Variants in C12orf42 observed in about 807,000 individuals in gnomAD.
C12orf42 encodes uncharacterized protein C12orf42.
Under a neutral mutation model 21.6 loss-of-function variants are expected in C12orf42, and 25 were observed. The observed-to-expected ratio is 1.16, with a 90% CI of 0.84 to 1.62. C12orf42 has a LOEUF of 1.62. Ranked by LOEUF, C12orf42 falls within the 40% of genes most tolerant of loss-of-function variation. The probability of loss-of-function intolerance (pLI) is 0.00; values close to 1 mark genes in which losing one functional copy is unlikely to be tolerated. For synonymous variants in C12orf42, 174 were observed against 175.0 expected, an observed-to-expected ratio of 0.99 and a Z score of 0.05; for missense variants, 483 against 459.3, an observed-to-expected ratio of 1.05 and a Z score of -0.47.
chr12:103,438,552 A>G (rs1950933395), intron 2 of C12orf42, among the ~76,000 whole-genome samples: 1 of 152,108 alleles, frequency 6.6e-6, no homozygotes, highest in African/African-American at 2.4e-5. Context: ...AAGCAACTTC[A>G]GCAAAGTCTC....
intron 5 of C12orf42, chr12:103,273,783 G>T: frequency 2.2e-6 from 1 of 450,932 alleles, no homozygotes; most frequent in Non-Finnish European, 4.5e-6. Context: ...AGAAGCACTT[G>T]TCTTTTACCT....
chr12:103,463,393 A>T (rs1952874580), intron 2 of C12orf42, among the ~76,000 whole-genome samples: 1 of 152,210 alleles, frequency 6.6e-6, no homozygotes, highest in African/African-American at 2.4e-5. Context: ...AATAGAGTAG[A>T]CTAGAATAGG....
chr12:103,428,488 A>G (rs1566308035), intron 2 of C12orf42, among the ~76,000 whole-genome samples: 1 of 152,118 alleles, frequency 6.6e-6, no homozygotes, highest in Non-Finnish European at 1.5e-5. Context: ...GCCTAACAAC[A>G]AAAAGAAAAG....
chr12:103,528,162 C>A, the C12orf42 span, among the ~76,000 whole-genome samples: 9 of 152,174 alleles, frequency 5.9e-5, no homozygotes, highest in East Asian at 1.7e-3. Flanking sequence ...GAACATTTAA[C>A]AAATGCCAAA....
At chr12:103,114,847 C>G in the C12orf42 span, among the ~76,000 whole-genome samples, 1 of 152,164 alleles carries the variant, frequency 6.6e-6, no homozygotes, top group African/African-American at 2.4e-5. Flanking sequence ...GTGGCTCAGG[C>G]CATTTACCAA....
intron 4 of C12orf42, among the ~76,000 whole-genome samples, chr12:103,283,809 T>C (rs769240075): frequency 6.6e-6 from 1 of 152,216 alleles, no homozygotes; most frequent in Non-Finnish European, 1.5e-5. Context: ...ACATAGTAGC[T>C]GCTCAATAAA....
chr12:103,069,194 A>C, the C12orf42 span, among the ~76,000 whole-genome samples: 2 of 150,862 alleles, frequency 1.3e-5, no homozygotes, highest in South Asian at 4.2e-4. Context: ...CTGAATTTTT[A>C]AGTTTTAGAA....
At chr12:103,221,741 C>T in the C12orf42 span, among the ~76,000 whole-genome samples, 3 of 152,204 alleles carry the variant, frequency 2.0e-5, no homozygotes, top group African/African-American at 7.2e-5. Context: ...CTTCAGTAAG[C>T]CTTTGGCTTT....
rs532875363 is a variant in C12orf42 at position 103,409,507 on chromosome 12, G to A, written c.79-7832C>T. Among the ~76,000 whole-genome samples the A allele has an allele frequency of 4.3e-3, 655 of 152,224 alleles. 1 individual carries two copies. Among genetic ancestry groups the A allele is most frequent in the Non-Finnish European group, 7.9e-3 (535 of 68,016 alleles). Reference sequence around the variant, plus strand: ...AGATTTACAATGCTGCAAGGGGGAGGACAGGAGACAAGGAAGGCTCACTAT... The same window carrying A: ...AGATTTACAATGCTGCAAGGGGGAGAACAGGAGACAAGGAAGGCTCACTAT... On this transcript the variant is annotated intron_variant, in intron 2 of 5. Transcript: ENST00000548883.
chr12:103,274,229 C>A (rs1458920646), intron 5 of C12orf42, among the ~76,000 whole-genome samples: 1 of 152,144 alleles, frequency 6.6e-6, no homozygotes, highest in Non-Finnish European at 1.5e-5. Flanking sequence ...TGTCAAGTGG[C>A]AGAGCAGGAT....
chr12:103,189,646 G>A, the C12orf42 span, among the ~76,000 whole-genome samples: 1 of 152,278 alleles, frequency 6.6e-6, no homozygotes, highest in East Asian at 1.9e-4. Flanking sequence ...GGAAAAAGTA[G>A]GTAAAATGAA....
chr12:103,145,233 C>T, the C12orf42 span, among the ~76,000 whole-genome samples: 1 of 152,132 alleles, frequency 6.6e-6, no homozygotes, highest in Admixed American at 6.5e-5. Flanking sequence ...TACTATCTTT[C>T]CCACATTTAA....
the C12orf42 span, among the ~76,000 whole-genome samples, chr12:103,179,749 T>C: frequency 6.6e-6 from 1 of 152,218 alleles, no homozygotes; most frequent in Non-Finnish European, 1.5e-5. Flanking sequence ...GGAGAATGGT[T>C]AGCAGACTAT....
chr12:103,291,428 G>A lies in C12orf42; in HGVS notation n.338-14218C>T, dbSNP rs150674857. On this transcript the variant is annotated intron_variant and non_coding_transcript_variant, in intron 4 of 6. Transcript: ENST00000546526. ...CATGCAGCAAAGAATTCAAGAACAA[G>A]CTGACAGAGTAGCGAAAGCAAAGCA... Among the ~76,000 whole-genome samples, 847 of 152,316 alleles carry A rather than the reference G, an allele frequency of 5.6e-3. 27 individuals are homozygous for A. Among genetic ancestry groups the A allele is most frequent in the Non-Finnish European group, 1.6e-3 (107 of 68,020 alleles).
chr12:103,444,571 T>C (rs1413219009), intron 2 of C12orf42, among the ~76,000 whole-genome samples: 1 of 152,096 alleles, frequency 6.6e-6, no homozygotes, highest in Non-Finnish European at 1.5e-5. Context: ...CATGTGTAAG[T>C]ATGTACCTGC....
the C12orf42 span, among the ~76,000 whole-genome samples, chr12:103,058,719 C>T: frequency 6.6e-6 from 1 of 152,152 alleles, no homozygotes; most frequent in Non-Finnish European, 1.5e-5. Context: ...GCAACCTGCT[C>T]CTGAATGACT....
the C12orf42 span, among the ~76,000 whole-genome samples, chr12:103,225,767 C>T: frequency 6.6e-6 from 1 of 152,058 alleles, no homozygotes; most frequent in Non-Finnish European, 1.5e-5. Context: ...CCATCAATAC[C>T]CACAACAGTT....
chr12:103,225,344 T>C, the C12orf42 span, among the ~76,000 whole-genome samples: 2 of 152,160 alleles, frequency 1.3e-5, no homozygotes, highest in Admixed American at 6.5e-5. Context: ...GGAGAGTTTA[T>C]AGGCTTTAAA....
chr12:103,099,150 G>T, the C12orf42 span, among the ~76,000 whole-genome samples: 1 of 152,136 alleles, frequency 6.6e-6, no homozygotes, highest in Non-Finnish European at 1.5e-5. Context: ...CTCCACATTT[G>T]CAAGGGCTGT....
Sources: gnomAD v4.1 joint callset for allele counts (sites outside exome capture counted in the v4.1 genomes callset) on GRCh38, gnomAD v4.1.1 for gene constraint, MANE v1.5 for transcripts, NCBI Gene and HGNC (gene_info 2026-07-23, HGNC 2026-07-21) for gene names.